The following WASHC4 variants were observed in gnomAD, a reference collection of about 807,000 sequenced individuals.
WASHC4 encodes the protein WASH complex subunit 4, also known as WASH complex subunit 7.
A neutral mutation model predicts 166.6 loss-of-function variants in WASHC4; 86 were observed. That is an observed-to-expected ratio of 0.52 (90% CI 0.43 to 0.62). The LOEUF is 0.62. WASHC4 is among the 20% of genes least tolerant of loss of function. The pLI is 0.00. For missense variants in WASHC4, 1,262 were observed against 1,382.4 expected (o/e 0.91, Z 1.38); for synonymous variants, 446 against 451.6 (o/e 0.99, Z 0.16).
At position 105,107,765 on chromosome 12, in the gene WASHC4, C is replaced by G; in HGVS notation, c.-36C>G. 1.3e-6 allele frequency: 2 copies of G among 1,508,764 alleles called. No homozygotes were observed. The highest frequency in any genetic ancestry group is 1.8e-6 in the Non-Finnish European group (2 of 1,110,512). 93.5% of individuals were successfully genotyped at this position (1,508,764 alleles called of 1,614,324 possible). ...GGTGAGGCCGTCGTCGCCGCACGGG[C>G]TGGTTGGGGCTGTGTCTGTGGGAGG... On this transcript the variant is annotated 5_prime_UTR_variant, in exon 1 of 33. Transcript: ENST00000332180.
At chr12:105,165,925 G>A (rs932722431) in intron 32 of WASHC4, among the ~76,000 whole-genome samples, 2 of 152,124 alleles carry the variant, frequency 1.3e-5, no homozygotes, top group Admixed American at 1.3e-4. Context: ...AAGCCATTTG[G>A]AAGAATTTGA....
chr12:105,147,972 T>C (rs1883450964), intron 24 of WASHC4: 1 of 985,218 alleles, frequency 1.0e-6, no homozygotes. Flanking sequence ...ACTCGTATGC[T>C]ATTTTTCTGT....
At chr12:105,160,551 T>G (rs2135839999) in intron 29 of WASHC4, among the ~76,000 whole-genome samples, 1 of 152,192 alleles carries the variant, frequency 6.6e-6, no homozygotes, top group East Asian at 1.9e-4. Context: ...GGGGTCTCAC[T>G]GTGTAGCCTA....
rs779475601 is a variant in WASHC4 at position 105,118,490 on chromosome 12, C to T, written c.480C>T (p.Asn160=). ...FVTRCYEVVM[N]VVHQLAALYI... is the part of the protein sequence containing the mutation. ...CGAGGTGCTATGAAGTGGTGATGAA[C>T]GTAGTCCACCAGTTGGCTGCCCTCT... Residue 160 remains asparagine (N), a synonymous_variant, in exon 7 of 33, where the codon AAC becomes AAT. Transcript: ENST00000332180. 4.7e-5 allele frequency: 76 copies of T among 1,613,380 alleles called. 1 individual carries two copies. The highest frequency in any genetic ancestry group is 2.9e-4 in the South Asian group (26 of 91,072).
chr12:105,116,699 C>T (rs1033500704), intron 6 of WASHC4, among the ~76,000 whole-genome samples: 1 of 152,064 alleles, frequency 6.6e-6, no homozygotes, highest in Non-Finnish European at 1.5e-5. Flanking sequence ...GTATGTATCC[C>T]ATAACATGTT....
intron 26 of WASHC4, chr12:105,154,979 C>T (rs1425204759): frequency 1.3e-5 from 2 of 152,180 alleles, no homozygotes; most frequent in African/African-American, 4.8e-5. Flanking sequence ...TTGTTAAAAA[C>T]ATAAGATAAT....
chr12:105,148,118 GA>G (rs1883461764), intron 24 of WASHC4: 1 of 985,172 alleles, frequency 1.0e-6, no homozygotes, highest in African/African-American at 1.7e-5. Context: ...GGAGAAAATG[GA>G]AAGTTAAGTT....
At chr12:105,123,852 GCC>G (rs1566000199) in intron 10 of WASHC4, among the ~76,000 whole-genome samples, 2 of 152,128 alleles carry the variant, frequency 1.3e-5, no homozygotes, top group Admixed American at 1.3e-4. Flanking sequence ...TTCAAAGAAA[GCC>G]AGTGCCCATT....
In WASHC4 at chr12:105,141,057, G is replaced by A. The variant is rs1882802758; in HGVS notation, c.1707+12G>A. 1 of 1,613,914 alleles carries A rather than the reference G, an allele frequency of 6.2e-7. No homozygotes were observed. The highest frequency in any genetic ancestry group is 1.7e-5 in the Admixed American group (1 of 60,020). On this transcript the variant is annotated intron_variant, in intron 17 of 32. Coordinates refer to ENST00000332180, the MANE Select transcript of WASHC4 (RefSeq NM_015275.3). ...TTGGCACACAAATGGTAAGTGTATT[G>A]CTATTACTTATGGAACAGAAATGAG...
chr12:105,157,932 A>C (rs1884279091), intron 28 of WASHC4, among the ~76,000 whole-genome samples: 1 of 152,188 alleles, frequency 6.6e-6, no homozygotes, highest in African/African-American at 2.4e-5. Context: ...CAGAATTGGT[A>C]AGAATATGTT....
At chr12:105,116,231 A>G (rs974626117) in intron 6 of WASHC4, among the ~76,000 whole-genome samples, 1 of 152,288 alleles carries the variant, frequency 6.6e-6, no homozygotes, top group Non-Finnish European at 1.5e-5. Context: ...TGTGATAAAA[A>G]TAGTGCATGT....
intron 24 of WASHC4, chr12:105,147,774 G>A (rs958826870): frequency 8.3e-6 from 3 of 361,368 alleles, no homozygotes; most frequent in African/African-American, 4.4e-5. Flanking sequence ...GCGTGGTGGC[G>A]GGCGCCTGTA....
At chr12:105,149,466 A>G in intron 24 of WASHC4, 149 bp from the exon 25 acceptor site, 1 of 1,043,710 alleles carries the variant, frequency 9.6e-7, no homozygotes, top group Non-Finnish European at 1.2e-6. Context: ...TTATTTAAAT[A>G]TTTTCAGGTC....
rs187151891 is a variant in WASHC4 at position 105,162,687 on chromosome 12, T to C, written c.3061-62T>C. The C allele has an allele frequency of 1.3e-4, 106 of 815,168 alleles. No individual in the cohort carries two copies. In the Admixed American group the frequency reaches 1.7e-3, roughly 13 times the overall value. 50.5% of individuals were successfully genotyped at this position (815,168 alleles called of 1,614,324 possible). A position where few individuals can be genotyped will look rare whatever the true frequency, so the allele number is the denominator to read the frequency against. The stretch of plus-strand genomic sequence containing the variant: ...TTTATAATTTTTAAAATGTCTGTTA[T>C]AGGAATTCTGAAGATTTTCTTAGCA... On this transcript the variant is annotated intron_variant, in intron 29 of 32. Transcript: ENST00000332180.
intron 28 of WASHC4, 104 bp from the exon 29 acceptor site, chr12:105,159,897 G>A: frequency 9.5e-7 from 1 of 1,057,604 alleles, no homozygotes; most frequent in East Asian, 2.4e-5. Context: ...GTCTTACAGT[G>A]TTTCCTGCTT....
Position 105,133,774 on chromosome 12 carries a change from G to T in WASHC4, c.1204G>T (p.Val402Leu), listed in dbSNP as rs767039070. The T allele has an allele frequency of 8.8e-5, 142 of 1,612,016 alleles. No homozygotes were observed. Among genetic ancestry groups the T allele is most frequent in the Non-Finnish European group, 1.2e-4 (139 of 1,178,708 alleles). ...CCCAATATTTTCCTTTGTTAGAGATGTACAGTCTTACTACGTCTTTGTGAG... is the reference window on the plus strand; with the variant it reads ...CCCAATATTTTCCTTTGTTAGAGATTTACAGTCTTACTACGTCTTTGTGAG... ...QQKAQSLTKD[V>L]QSYYVFVSSW... Residue 402 changes from valine (V) to leucine (L), a missense_variant, in exon 14 of 33, where the codon GTA becomes TTA. By Grantham distance (32) the Val-to-Leu change is conservative. Transcript: ENST00000332180.
intron 13 of WASHC4, among the ~76,000 whole-genome samples, chr12:105,128,852 C>T (rs1467234491): frequency 4.6e-5 from 7 of 151,498 alleles, no homozygotes; most frequent in African/African-American, 2.4e-5. Context: ...TATCTTGGCT[C>T]ACTGTAACCT....
At chr12:105,124,643 G>GCT (rs1566000838) in intron 10 of WASHC4, among the ~76,000 whole-genome samples, 1 of 151,778 alleles carries the variant, frequency 6.6e-6, no homozygotes, top group Non-Finnish European at 1.5e-5. Context: ...ACTGCACTCA[G>GCT]CTAATTTTTG....
At chr12:105,112,478 CTT>C (rs1261939315) in intron 2 of WASHC4, among the ~76,000 whole-genome samples, 1 of 152,100 alleles carries the variant, frequency 6.6e-6, no homozygotes, top group Non-Finnish European at 1.5e-5. Flanking sequence ...CTATGTTTAA[CTT>C]TTTGAGGAAC....
Sources: allele counts gnomAD v4.1 joint callset (sites outside exome capture counted in the v4.1 genomes callset), GRCh38; gene constraint gnomAD v4.1.1; transcripts MANE v1.5; gene names NCBI Gene and HGNC (gene_info 2026-07-23, HGNC 2026-07-21).